MSANTD7: variants seen among roughly 807,000 people sequenced by gnomAD.
The protein encoded by MSANTD7 is zinc finger and SCAN domain containing 29.
At chr10:14,846,632 T>TA in the MSANTD7 span, 1 of 952,684 alleles carries the variant, frequency 1.0e-6, no homozygotes, top group Non-Finnish European at 1.2e-6. Context: ...TCCTCATTTA[T>TA]AAAGTGGGAA....
At chr10:14,846,311 G>A in the MSANTD7 span, 3 of 985,214 alleles carry the variant, frequency 3.0e-6, no homozygotes, top group Non-Finnish European at 2.4e-6. Flanking sequence ...TCTATTAATG[G>A]TAGCAAAGTG....
the MSANTD7 span, chr10:14,842,282 A>C: frequency 6.5e-7 from 1 of 1,535,050 alleles, no homozygotes; most frequent in Non-Finnish European, 8.7e-7. This position sits in a 1 kb window ranked among gnomAD's most constrained non-coding sequence, Gnocchi z 5.2. Flanking sequence ...TTTCCAACCC[A>C]CAATGGCCAG....
the MSANTD7 span, chr10:14,842,679 G>A: frequency 5.9e-6 from 9 of 1,536,196 alleles, no homozygotes; most frequent in African/African-American, 1.2e-4. The surrounding 1 kb of genome is among the most constrained non-coding windows in gnomAD (Gnocchi z 5.2). Flanking sequence ...GACGCCCCAG[G>A]GGAAGAGGGA....
the MSANTD7 span, chr10:14,838,718 T>G: frequency 2.1e-6 from 1 of 467,654 alleles, no homozygotes; most frequent in Non-Finnish European, 3.8e-6. Context: ...GGCGGCGGGA[T>G]GCCCGGAGGG....
At chr10:14,842,789 G>T in the MSANTD7 span, 1 of 1,536,348 alleles carries the variant, frequency 6.5e-7, no homozygotes, top group South Asian at 1.2e-5. This position sits in a 1 kb window ranked among gnomAD's most constrained non-coding sequence, Gnocchi z 5.2. Flanking sequence ...AAGAATCAGT[G>T]ACCGGATACG....
At chr10:14,842,164 C>T in the MSANTD7 span, 1 of 1,534,778 alleles carries the variant, frequency 6.5e-7, no homozygotes, top group African/African-American at 1.4e-5. This position sits in a 1 kb window ranked among gnomAD's most constrained non-coding sequence, Gnocchi z 5.2. Flanking sequence ...CCTGGCTTCT[C>T]AGCAATTATC....
At chr10:14,841,011 G>C in the MSANTD7 span, among the ~76,000 whole-genome samples, 1 of 152,164 alleles carries the variant, frequency 6.6e-6, no homozygotes, top group Non-Finnish European at 1.5e-5. Flanking sequence ...TTTCAACTTT[G>C]TTTAGTGAGA....
the MSANTD7 span, chr10:14,843,353 T>C: frequency 1.3e-6 from 2 of 1,550,644 alleles, no homozygotes; most frequent in Non-Finnish European, 1.7e-6. Flanking sequence ...TTTGCAACAT[T>C]GTTGCTTTGT....
chr10:14,839,895 T>C, the MSANTD7 span: 2 of 1,608,882 alleles, frequency 1.2e-6, no homozygotes. Flanking sequence ...TTTCGTGTTT[T>C]TTTCTCTAGG....
the MSANTD7 span, chr10:14,846,773 T>A: frequency 2.0e-6 from 2 of 985,306 alleles, no homozygotes; most frequent in African/African-American, 3.5e-5. Context: ...AGCACATTAG[T>A]GCTGGTGTGT....
the MSANTD7 span, chr10:14,840,153 A>C: frequency 7.1e-7 from 1 of 1,413,430 alleles, no homozygotes; most frequent in Non-Finnish European, 9.5e-7. Context: ...GATCCTGGGC[A>C]GAAGGTATGG....
the MSANTD7 span, chr10:14,845,038 C>T: frequency 6.1e-6 from 6 of 985,366 alleles, no homozygotes; most frequent in Non-Finnish European, 7.2e-6. Flanking sequence ...ACTTTGGGAA[C>T]ACTAGAGGAT....
At chr10:14,839,819 C>A in the MSANTD7 span, 1 of 916,318 alleles carries the variant, frequency 1.1e-6, no homozygotes, top group Non-Finnish European at 1.7e-6. Flanking sequence ...TTTCTTTCCA[C>A]ACAGATGGCA....
chr10:14,846,624 C>T, the MSANTD7 span: 1 of 956,784 alleles, frequency 1.0e-6, no homozygotes, highest in Non-Finnish European at 1.2e-6. Flanking sequence ...ACTCAGGTTC[C>T]TCATTTATAA....
the MSANTD7 span, chr10:14,838,596 G>A: frequency 1.2e-6 from 1 of 832,110 alleles, no homozygotes; most frequent in Non-Finnish European, 1.8e-6. Context: ...GGACACTCCG[G>A]AGCGAAGGGC....
chr10:14,842,305 T>C, the MSANTD7 span: 5 of 1,535,796 alleles, frequency 3.3e-6, no homozygotes, highest in Admixed American at 3.9e-5. This position sits in a 1 kb window ranked among gnomAD's most constrained non-coding sequence, Gnocchi z 5.2. Flanking sequence ...CCAATAGCAG[T>C]GCGGGCATCC....
At chr10:14,843,221 A>T in the MSANTD7 span, 1 of 1,003,512 alleles carries the variant, frequency 1.0e-6, no homozygotes, top group Non-Finnish European at 1.5e-6. Context: ...AATTGTCCAG[A>T]TTAAGGAAAT....
the MSANTD7 span, chr10:14,842,731 T>G: frequency 6.5e-7 from 1 of 1,536,514 alleles, no homozygotes; most frequent in Non-Finnish European, 8.7e-7. This position sits in a 1 kb window ranked among gnomAD's most constrained non-coding sequence, Gnocchi z 5.2. Context: ...CAGCTGATCA[T>G]CAGCCTATCT....
the MSANTD7 span, chr10:14,842,328 A>G: frequency 6.5e-7 from 1 of 1,536,160 alleles, no homozygotes; most frequent in South Asian, 1.2e-5. The surrounding 1 kb of genome is among the most constrained non-coding windows in gnomAD (Gnocchi z 5.2). Flanking sequence ...TGGTCCAGAC[A>G]GGAGACACGA....
Sources: gnomAD v4.1 joint callset for allele counts (sites outside exome capture counted in the v4.1 genomes callset) on GRCh38, gnomAD v4.1.1 for gene constraint, Gnocchi (gnomAD v3.1) non-coding constraint, MANE v1.5 for transcripts, NCBI Gene and HGNC (gene_info 2026-07-23, HGNC 2026-07-21) for gene names.